The following ADAM20 variants were observed in gnomAD, a reference collection of about 807,000 sequenced individuals.
ADAM20 encodes the protein ADAM metallopeptidase domain 20, also known as disintegrin and metalloproteinase domain-containing protein 20.
For synonymous variants in ADAM20, 305 were observed against 310.2 expected, an observed-to-expected ratio of 0.98 and a Z score of 0.18; for missense variants, 871 against 883.2, an observed-to-expected ratio of 0.99 and a Z score of 0.18.
intron 1 of ADAM20, among the ~76,000 whole-genome samples, chr14:70,531,691 T>C (rs963373166): frequency 1.3e-5 from 2 of 152,064 alleles, no homozygotes; most frequent in African/African-American, 4.8e-5. Flanking sequence ...AAAAGTCACG[T>C]GCATAATTAT....
rs1363911371 is a variant in ADAM20 at position 70,522,415 on chromosome 14, G to T, written c.*162C>A. On this transcript the variant is annotated 3_prime_UTR_variant, in exon 2 of 2. Coordinates refer to ENST00000256389, the MANE Select transcript of ADAM20 (RefSeq NM_003814.5). ...GACACTGTAGAGTAAGTAAGAATAG[G>T]CTAGGAATCCTTTGCTGTGATAGCT... 1.4e-5 allele frequency: 10 copies of T among 725,380 alleles called. No homozygotes were observed. In the East Asian group the frequency reaches 1.9e-4, roughly 14 times the overall value. The allele number at this position is 725,380 out of a possible 1,614,324, so 44.9% of individuals were successfully genotyped here. A position where few individuals can be genotyped will look rare whatever the true frequency, so the allele number is the denominator to read the frequency against.
the ADAM20 span, among the ~76,000 whole-genome samples, chr14:70,567,722 C>T: frequency 6.6e-6 from 1 of 152,034 alleles, no homozygotes; most frequent in African/African-American, 2.4e-5. Context: ...CACAGAGTTG[C>T]CTGCCCTGAA....
intron 1 of ADAM20, among the ~76,000 whole-genome samples, chr14:70,528,323 T>C (rs1222999272): frequency 3.3e-5 from 5 of 152,242 alleles, no homozygotes; most frequent in African/African-American, 1.2e-4. Context: ...ATCTTTGCCA[T>C]CTACTATCTT....
intron 1 of ADAM20, among the ~76,000 whole-genome samples, chr14:70,525,325 C>T (rs1454316561): frequency 6.6e-6 from 1 of 152,088 alleles, no homozygotes; most frequent in Non-Finnish European, 1.5e-5. Flanking sequence ...GAGATCCTCC[C>T]ACCTTAGCCT....
the ADAM20 span, among the ~76,000 whole-genome samples, chr14:70,567,713 A>G: frequency 6.6e-6 from 1 of 152,182 alleles, no homozygotes; most frequent in South Asian, 2.1e-4. Flanking sequence ...CAGAGAAATC[A>G]CAGAGTTGCC....
At chr14:70,543,458 A>C in the ADAM20 span, among the ~76,000 whole-genome samples, 2 of 152,188 alleles carry the variant, frequency 1.3e-5, no homozygotes, top group African/African-American at 4.8e-5. Flanking sequence ...TCTGCCTTTT[A>C]TTGGGTGAGA....
upstream of ADAM20, among the ~76,000 whole-genome samples, chr14:70,537,216 G>A (rs527488499): frequency 6.6e-6 from 1 of 152,222 alleles, no homozygotes; most frequent in South Asian, 2.1e-4. Flanking sequence ...ATTTGCATGA[G>A]GAGGACAACT....
At chr14:70,561,422 G>A in the ADAM20 span, among the ~76,000 whole-genome samples, 1 of 152,258 alleles carries the variant, frequency 6.6e-6, no homozygotes, top group Non-Finnish European at 1.5e-5. Context: ...TAGAAAATTT[G>A]TAGTCTGACC....
upstream of ADAM20, among the ~76,000 whole-genome samples, chr14:70,536,183 G>A (rs944586033): frequency 2.0e-5 from 3 of 151,832 alleles, no homozygotes; most frequent in African/African-American, 7.3e-5. Context: ...ATAAGAATTG[G>A]GGCCAGGCAT....
At chr14:70,532,388 A>G (rs1469056293) in intron 1 of ADAM20, among the ~76,000 whole-genome samples, 1 of 152,180 alleles carries the variant, frequency 6.6e-6, no homozygotes, top group Non-Finnish European at 1.5e-5. Flanking sequence ...CACACACGAG[A>G]AAATCTTCAC....
upstream of ADAM20, among the ~76,000 whole-genome samples, chr14:70,535,643 C>A (rs969567752): frequency 6.6e-6 from 1 of 152,164 alleles, no homozygotes; most frequent in African/African-American, 2.4e-5. Context: ...TCCTACCACC[C>A]CTTATTGGCT....
In ADAM20 at chr14:70,522,544, T is replaced by C. The variant is rs1883472701; in HGVS notation, c.*33A>G. 3 of 1,489,964 alleles carry C rather than the reference T, an allele frequency of 2.0e-6. No individual in the cohort carries two copies. Among genetic ancestry groups the C allele is most frequent in the Admixed American group, 2.6e-5 (1 of 38,248 alleles). 92.3% of individuals were successfully genotyped at this position (1,489,964 alleles called of 1,614,324 possible). ...AAAATTGGATATTAAAAATGAAGTA[T>C]AAAGTTTAGTCTCCTTCTTTTTCCC... On this transcript the variant is annotated 3_prime_UTR_variant, in exon 2 of 2. Coordinates refer to ENST00000256389, the MANE Select transcript of ADAM20 (RefSeq NM_003814.5).
chr14:70,555,921 C>G, the ADAM20 span, among the ~76,000 whole-genome samples: 2 of 152,204 alleles, frequency 1.3e-5, no homozygotes, highest in African/African-American at 4.8e-5. Context: ...GCCTTACCTG[C>G]AACAGTTCCT....
chr14:70,533,570 GAGA>G (rs1883761263), intron 1 of ADAM20, among the ~76,000 whole-genome samples: 2 of 152,040 alleles, frequency 1.3e-5, no homozygotes, highest in African/African-American at 2.4e-5. Flanking sequence ...TGGACACAGG[GAGA>G]AGAACATCAC....
At position 70,524,484 on chromosome 14, in the gene ADAM20, A is replaced by T; in HGVS notation, c.274T>A (p.Tyr92Asn). ...LFAAHLPVFTYTEQHALLQDQ... is the reference protein window; with the variant it reads ...LFAAHLPVFTNTEQHALLQDQ... Reference sequence around the variant, plus strand: ...TGGAGCAGGGCATGCTGCTCTGTGTAGGTGAACACAGGAAGGTGTGCAGCA... The same window carrying T: ...TGGAGCAGGGCATGCTGCTCTGTGTTGGTGAACACAGGAAGGTGTGCAGCA... Residue 92 changes from tyrosine (Y) to asparagine (N), a missense_variant, in exon 2 of 2, where the codon TAC becomes AAC. Physicochemically the swap from Tyr to Asn is moderately radical, Grantham distance 143. Coordinates refer to ENST00000256389, the MANE Select transcript of ADAM20 (RefSeq NM_003814.5). 1 of 1,614,052 alleles carries T rather than the reference A, an allele frequency of 6.2e-7. No homozygotes were observed. Among genetic ancestry groups the T allele is most frequent in the South Asian group, 1.1e-5 (1 of 91,080 alleles).
the ADAM20 span, among the ~76,000 whole-genome samples, chr14:70,564,770 G>A: frequency 7.6e-6 from 1 of 130,724 alleles, no homozygotes; most frequent in African/African-American, 3.0e-5. Context: ...TTTTTAGCCA[G>A]GCACAGTGGC....
the ADAM20 span, among the ~76,000 whole-genome samples, chr14:70,542,738 A>G: frequency 5.9e-5 from 9 of 152,368 alleles, no homozygotes; most frequent in South Asian, 2.1e-4. Context: ...CAGGAGTTCA[A>G]GACCAGCCTG....
chr14:70,571,633 T>G, the ADAM20 span, among the ~76,000 whole-genome samples: 2 of 152,300 alleles, frequency 1.3e-5, no homozygotes, highest in East Asian at 3.8e-4. Context: ...AAGTCCTAGC[T>G]GGAGCAATCA....
the ADAM20 span, among the ~76,000 whole-genome samples, chr14:70,565,778 C>A: frequency 2.0e-5 from 3 of 152,114 alleles, no homozygotes; most frequent in Non-Finnish European, 4.4e-5. Flanking sequence ...TAATCTACAG[C>A]TGATGTAAAG....
Sources: gnomAD v4.1 joint callset for allele counts (sites outside exome capture counted in the v4.1 genomes callset) on GRCh38, gnomAD v4.1.1 for gene constraint, MANE v1.5 for transcripts, NCBI Gene and HGNC (gene_info 2026-07-23, HGNC 2026-07-21) for gene names.